RNF187: variants seen among roughly 807,000 people sequenced by gnomAD.
RNF187 encodes ring finger protein 187, also known as E3 ubiquitin-protein ligase RNF187.
A neutral mutation model predicts 22.2 loss-of-function variants in RNF187; 18 were observed. The observed-to-expected ratio is 0.81, with a 90% CI of 0.56 to 1.20. The LOEUF (loss-of-function observed/expected upper bound fraction) is 1.20, where lower values mean the gene tolerates loss of function less well. Among genes scored for constraint, RNF187 ranks in the 50% most tolerant of loss-of-function variants. RNF187 has a pLI of 0.00. For missense variants in RNF187, 329 were observed against 317.6 expected (o/e 1.04, Z -0.27); for synonymous variants, 164 against 140.9 (o/e 1.16, Z -1.16).
chr1:228,492,940 G>C, intron 2 of RNF187, 113 bp from the exon 3 acceptor site: 1 of 1,166,508 alleles, frequency 8.6e-7, no homozygotes, highest in South Asian at 1.6e-5. Context: ...CGATGTGCCT[G>C]AGCAGCATGT....
intron 2 of RNF187, among the ~76,000 whole-genome samples, chr1:228,491,042 T>C: frequency 6.6e-6 from 1 of 152,108 alleles, no homozygotes; most frequent in African/African-American, 2.4e-5. Flanking sequence ...AAGAACTCTA[T>C]TTCTCCCCTT....
In RNF187 at chr1:228,487,545, C is replaced by G. The variant is rs536308340; in HGVS notation, c.57C>G (p.Pro19=). ...CCTGCGCCCTGTGCCAGCGCGCGCC[C>G]CGGGAACCGGTGCGCGCCGACTGCG... The change falls in exon 1 of 4, where the codon CCC becomes CCG. Residue 19 remains proline, a synonymous_variant. Transcript: ENST00000305943. 1.7e-3 allele frequency: 2,058 copies of G among 1,230,532 alleles called. 31 individuals carry two copies. The African/African-American group carries it at 0.031, about 18-fold the overall frequency. 76.2% of individuals were successfully genotyped at this position (1,230,532 alleles called of 1,614,324 possible).
chr1:228,493,782 G>T lies in RNF187; in HGVS notation c.706-101G>T. 7.8e-7 allele frequency: 1 copy of T among 1,277,048 alleles called. No homozygotes were observed. The highest frequency in any genetic ancestry group is 1.1e-6 in the Non-Finnish European group (1 of 898,246). The allele number at this position is 1,277,048 out of a possible 1,614,324, so 79.1% of individuals were successfully genotyped here. A position where few individuals can be genotyped will look rare whatever the true frequency, so the allele number is the denominator to read the frequency against. Reference sequence around the variant, plus strand: ...GACAGTACCTCATGCGCTGTCTCATGTGCGCTCTCTCTTTCGCTCTCTCCT... The same window carrying T: ...GACAGTACCTCATGCGCTGTCTCATTTGCGCTCTCTCTTTCGCTCTCTCCT... On this transcript the variant is annotated intron_variant, in intron 3 of 3. Transcript: ENST00000305943. This position sits in a 1 kb window ranked among gnomAD's most constrained non-coding sequence, Gnocchi z 4.7.
At chr1:228,489,151 TGCTCAG>T in intron 2 of RNF187, 99 bp downstream of exon 2, 3 of 947,316 alleles carry the variant, frequency 3.2e-6, no homozygotes, top group Middle Eastern at 3.1e-4. Context: ...GCCTCTGAAC[TGCTCAG>T]CTGGTTGGTT....
At position 228,495,766 on chromosome 1, in the gene RNF187, G is replaced by T; in HGVS notation, c.*1881G>T. ...AAATTATATATTTATGGGGCACAGT[G>T]TGATGTTTTGATATCTATGTACATT... On this transcript the variant is annotated 3_prime_UTR_variant, in exon 4 of 4. Coordinates refer to ENST00000305943, the MANE Select transcript of RNF187 (RefSeq NM_001010858.3). 1.0e-6 allele frequency: 1 copy of T among 980,414 alleles called. No individual in the cohort carries two copies. The highest frequency in any genetic ancestry group is 6.2e-5 in the Admixed American group (1 of 16,258). The allele number at this position is 980,414 out of a possible 1,614,324, so 60.7% of individuals were successfully genotyped here. A position where few individuals can be genotyped will look rare whatever the true frequency, so the allele number is the denominator to read the frequency against.
At position 228,488,950 on chromosome 1, in the gene RNF187, T is replaced by G; in HGVS notation, c.391-10T>G. The G allele has an allele frequency of 6.4e-7, 1 of 1,550,448 alleles. No individual in the cohort carries two copies. Among genetic ancestry groups the G allele is most frequent in the South Asian group, 1.2e-5 (1 of 84,042 alleles). On this transcript the variant is annotated splice_polypyrimidine_tract_variant and intron_variant, in intron 1 of 3. Coordinates refer to ENST00000305943, the MANE Select transcript of RNF187 (RefSeq NM_001010858.3). Reference sequence around the variant, plus strand: ...TCTGCCCACCCCTGGTGACCTTCTTTTCTTTACAGGAGAACAAGGGGTCTG... The same window carrying G: ...TCTGCCCACCCCTGGTGACCTTCTTGTCTTTACAGGAGAACAAGGGGTCTG...
At position 228,487,855 on chromosome 1, in the gene RNF187, TG is replaced by T; in HGVS notation, c.369del (p.Trp123Ter). On this transcript the variant is annotated frameshift_variant, in exon 1 of 4. Coordinates refer to ENST00000305943, the MANE Select transcript of RNF187 (RefSeq NM_001010858.3). LOFTEE classifies it high-confidence loss of function. ...CGAGCCGCCCGAGTGGGAACCGCGCTGGAGGAAGGCGCTGCGCGGCAAGGTG... is the reference window on the plus strand; with the variant it reads ...CGAGCCGCCCGAGTGGGAACCGCGCTGAGGAAGGCGCTGCGCGGCAAGGTG... The T allele has an allele frequency of 8.1e-7, 1 of 1,231,164 alleles. No individual in the cohort carries two copies. The highest frequency in any genetic ancestry group is 2.5e-5 in the South Asian group (1 of 39,794). The allele number at this position is 1,231,164 out of a possible 1,614,324, so 76.3% of individuals were successfully genotyped here. A position where few individuals can be genotyped will look rare whatever the true frequency, so the allele number is the denominator to read the frequency against.
Position 228,488,952 on chromosome 1 carries a change from C to A in RNF187, c.391-8C>A. 6.4e-7 allele frequency: 1 copy of A among 1,550,812 alleles called. No individual in the cohort carries two copies. Among genetic ancestry groups the A allele is most frequent in the Admixed American group, 2.0e-5 (1 of 51,000 alleles). Reference sequence around the variant, plus strand: ...TGCCCACCCCTGGTGACCTTCTTTTCTTTACAGGAGAACAAGGGGTCTGTG... The same window carrying A: ...TGCCCACCCCTGGTGACCTTCTTTTATTTACAGGAGAACAAGGGGTCTGTG... On this transcript the variant is annotated splice_polypyrimidine_tract_variant and splice_region_variant and intron_variant, in intron 1 of 3. Transcript: ENST00000305943.
At position 228,494,891 on chromosome 1, in the gene RNF187, G is replaced by A; in HGVS notation, c.*1006G>A. 4.1e-6 allele frequency: 4 copies of A among 985,428 alleles called. No homozygotes were observed. The East Asian group carries it at 4.5e-4, about 112-fold the overall frequency. The allele number at this position is 985,428 out of a possible 1,614,324, so 61.0% of individuals were successfully genotyped here. ...GCCTTTCAGCCCTTCTGAGTCCCCG[G>A]CCCTTGGTGCGATGTCTGTGAGTTT... On this transcript the variant is annotated 3_prime_UTR_variant, in exon 4 of 4. Coordinates refer to ENST00000305943, the MANE Select transcript of RNF187 (RefSeq NM_001010858.3).
Position 228,493,841 on chromosome 1 carries a change from C to T in RNF187, c.706-42C>T. 242 of 1,547,514 alleles carry T rather than the reference C, an allele frequency of 1.6e-4. No individual in the cohort carries two copies. The highest frequency in any genetic ancestry group is 2.0e-4 in the Non-Finnish European group (234 of 1,143,276). On this transcript the variant is annotated intron_variant, in intron 3 of 3. Transcript: ENST00000305943. The surrounding 1 kb of genome is among the most constrained non-coding windows in gnomAD (Gnocchi z 4.7). ...TGTCTCTGACTCTGTGTGTCTCTTTCTCTTTTTGTCTCTCTGTCTTTCCCT... is the reference window on the plus strand; with the variant it reads ...TGTCTCTGACTCTGTGTGTCTCTTTTTCTTTTTGTCTCTCTGTCTTTCCCT...
At position 228,493,001 on chromosome 1, in the gene RNF187, C is replaced by T; in HGVS notation, c.484-52C>T. ...TTCAAGAGCAAACAGGTTCCCCTTC[C>T]CCTGGGGAGGGTGGGTGAGGACACA... On this transcript the variant is annotated intron_variant, in intron 2 of 3. Transcript: ENST00000305943. This position sits in a 1 kb window ranked among gnomAD's most constrained non-coding sequence, Gnocchi z 4.7. 3.4e-6 allele frequency: 5 copies of T among 1,490,118 alleles called. No individual in the cohort carries two copies. The East Asian group carries it at 7.4e-5, about 22-fold the overall frequency. The allele number at this position is 1,490,118 out of a possible 1,614,324, so 92.3% of individuals were successfully genotyped here.
Position 228,487,570 on chromosome 1 carries a change from G to T in RNF187, c.82G>T (p.Gly28Cys). 8.0e-7 allele frequency: 1 copy of T among 1,256,088 alleles called. No homozygotes were observed. The highest frequency in any genetic ancestry group is 1.0e-6 in the Non-Finnish European group (1 of 987,664). 77.8% of individuals were successfully genotyped at this position (1,256,088 alleles called of 1,614,324 possible). A position where few individuals can be genotyped will look rare whatever the true frequency, so the allele number is the denominator to read the frequency against. ...CCGGGAACCGGTGCGCGCCGACTGC[G>T]GCCACCGCTTCTGTCGGGCGTGCGT... is the stretch of plus-strand genomic sequence containing the variant. The change falls in exon 1 of 4, where the codon GGC becomes TGC. Residue 28 changes from glycine (G) to cysteine (C), a missense_variant. Transcript: ENST00000305943.
Position 228,495,006 on chromosome 1 carries a change from C to CT in RNF187, c.*1123dup. 8 of 985,844 alleles carry CT rather than the reference C, an allele frequency of 8.1e-6. No homozygotes were observed. The highest frequency in any genetic ancestry group is 9.6e-6 in the Non-Finnish European group (8 of 830,212). 61.1% of individuals were successfully genotyped at this position (985,844 alleles called of 1,614,324 possible). A position where few individuals can be genotyped will look rare whatever the true frequency, so the allele number is the denominator to read the frequency against. On this transcript the variant is annotated 3_prime_UTR_variant, in exon 4 of 4. Transcript: ENST00000305943. ...TCGTCTCCGTGTGTCCACCTGGCCT[C>CT]TTCCCCCTGCCCTGGCCACCCTCCA...
Position 228,487,634 on chromosome 1 carries a change from G to A in RNF187, c.146G>A (p.Cys49Tyr). ...GCCGAGGAGGACGGGCCCTTCCCGT[G>A]CCCCGAGTGCGCCGACGACTGCTGG... Residue 49 changes from cysteine (C) to tyrosine (Y), a missense_variant, in exon 1 of 4, where the codon TGC (cysteine) becomes TAC (tyrosine). Cys to Tyr is a radical substitution (Grantham distance 194). Coordinates refer to ENST00000305943, the MANE Select transcript of RNF187 (RefSeq NM_001010858.3). 8.3e-7 allele frequency: 1 copy of A among 1,200,976 alleles called. No homozygotes were observed. The highest frequency in any genetic ancestry group is 1.0e-6 in the Non-Finnish European group (1 of 955,140). 74.4% of individuals were successfully genotyped at this position (1,200,976 alleles called of 1,614,324 possible). A position where few individuals can be genotyped will look rare whatever the true frequency, so the allele number is the denominator to read the frequency against.
intron 2 of RNF187, among the ~76,000 whole-genome samples, chr1:228,491,499 G>C: frequency 6.6e-6 from 1 of 151,230 alleles, no homozygotes; most frequent in Non-Finnish European, 1.5e-5. Context: ...GGAGTGCAGT[G>C]GTGCGATCTT....
Position 228,487,504 on chromosome 1 carries a change from G to A in RNF187, c.16G>A (p.Gly6Ser). The change falls in exon 1 of 4, where the codon GGC (glycine) becomes AGC (serine). Residue 6 changes from glycine (G) to serine (S), a missense_variant. Gly to Ser is a moderately conservative substitution (Grantham distance 56). Transcript: ENST00000305943. ...GCCCGCAGCCCTGGCGCTCCCTGCG[G>A]GCCCCGCCGAGGCCGCCTGCGCCCT... 8.8e-7 allele frequency: 1 copy of A among 1,141,252 alleles called. No homozygotes were observed. Among genetic ancestry groups the A allele is most frequent in the Non-Finnish European group, 1.1e-6 (1 of 932,820 alleles). The allele number at this position is 1,141,252 out of a possible 1,614,324, so 70.7% of individuals were successfully genotyped here.
chr1:228,493,146 G>A lies in RNF187; in HGVS notation c.577G>A (p.Ala193Thr). 2 of 1,551,766 alleles carry A rather than the reference G, an allele frequency of 1.3e-6. No individual in the cohort carries two copies. Among genetic ancestry groups the A allele is most frequent in the Non-Finnish European group, 8.7e-7 (1 of 1,147,004 alleles). Reference sequence around the variant, plus strand: ...GGAGGAGGAGCATTTCCTGCAGGAGGCTGAGAAGGAGGAGGGGCTCCCTGA... The same window carrying A: ...GGAGGAGGAGCATTTCCTGCAGGAGACTGAGAAGGAGGAGGGGCTCCCTGA... The change falls in exon 3 of 4, where the codon GCT becomes ACT. Residue 193 changes from alanine to threonine, a missense_variant. Transcript: ENST00000305943. The surrounding 1 kb of genome is among the most constrained non-coding windows in gnomAD (Gnocchi z 4.7).
chr1:228,487,830 C>A lies in RNF187; in HGVS notation c.342C>A (p.Pro114=). ...CCGCCTGCCGTATGGCTGCGGGCCC[C>A]GAGCCGCCCGAGTGGGAACCGCGCT... Residue 114 remains proline, a synonymous_variant, in exon 1 of 4, where the codon CCC becomes CCA. Coordinates refer to ENST00000305943, the MANE Select transcript of RNF187 (RefSeq NM_001010858.3). The A allele has an allele frequency of 8.2e-7, 1 of 1,219,896 alleles. No homozygotes were observed. Among genetic ancestry groups the A allele is most frequent in the South Asian group, 2.6e-5 (1 of 38,168 alleles). The allele number at this position is 1,219,896 out of a possible 1,614,324, so 75.6% of individuals were successfully genotyped here.
Position 228,487,411 on chromosome 1 carries a change from C to G in RNF187, c.-78C>G, listed in dbSNP as rs1448091889. ...GCGTCTTCGTCCTGTTGCTGGTCTC[C>G]GTCCGGTCGCCGGCCGTCTAGGTCT... On this transcript the variant is annotated 5_prime_UTR_variant, in exon 1 of 4. Coordinates refer to ENST00000305943, the MANE Select transcript of RNF187 (RefSeq NM_001010858.3). The G allele has an allele frequency of 9.3e-7, 1 of 1,071,388 alleles. No homozygotes were observed. Among genetic ancestry groups the G allele is most frequent in the African/African-American group, 1.7e-5 (1 of 58,370 alleles). 66.4% of individuals were successfully genotyped at this position (1,071,388 alleles called of 1,614,324 possible).
Sources: gnomAD v4.1 joint callset for allele counts (sites outside exome capture counted in the v4.1 genomes callset) on GRCh38, gnomAD v4.1.1 for gene constraint, Gnocchi (gnomAD v3.1) non-coding constraint, MANE v1.5 for transcripts, NCBI Gene and HGNC (gene_info 2026-07-23, HGNC 2026-07-21) for gene names.